Variants in MYO3B observed in about 807,000 individuals in gnomAD.
MYO3B encodes myosin IIIB.
A neutral mutation model predicts 174.6 loss-of-function variants in MYO3B; 156 were observed. The observed-to-expected ratio is 0.89, with a 90% CI of 0.78 to 1.02. The LOEUF (loss-of-function observed/expected upper bound fraction) is 1.02. Among genes scored for constraint, MYO3B ranks in the 50% least tolerant of loss-of-function variants. The pLI is 0.00. For synonymous variants in MYO3B, 563 were observed against 569.1 expected (o/e 0.99, Z 0.15); for missense variants, 1,632 against 1,639.4 (o/e 1.00, Z 0.08).
At chr2:170,255,777 C>T (rs1032114325) in intron 7 of MYO3B, among the ~76,000 whole-genome samples, 1 of 152,196 alleles carries the variant, frequency 6.6e-6, no homozygotes, top group Non-Finnish European at 1.5e-5. Flanking sequence ...ATTGTACTAG[C>T]TCCGCAGCAA....
Position 170,401,796 on chromosome 2 carries a change from C to CTTTT in MYO3B, c.2129+107_2129+110dup, listed in dbSNP as rs1268110549. On this transcript the variant is annotated intron_variant, in intron 18 of 34. Transcript: ENST00000408978. ...TTTGGTCCTCTCTGGGATTTTCTTT[C>CTTTT]TTTTTCTTTTTTTTTTTTTTTGTGG... The CTTTT allele has an allele frequency of 6.3e-6, 5 of 794,366 alleles. No individual in the cohort carries two copies. In the African/African-American group the frequency reaches 7.5e-5, roughly 12 times the overall value. 49.2% of individuals were successfully genotyped at this position (794,366 alleles called of 1,614,324 possible).
intron 9 of MYO3B, among the ~76,000 whole-genome samples, chr2:170,373,729 A>G (rs1321197445): frequency 6.6e-6 from 1 of 151,992 alleles, no homozygotes; most frequent in Admixed American, 6.6e-5. Context: ...TTAGAAAGAG[A>G]GAAACTCTAA....
At position 170,289,424 on chromosome 2, in the gene MYO3B, C is replaced by T. The variant is rs190570760; in HGVS notation, c.750-45961C>T. ...GGTTTTGTGAGGTTTTCTATTTCTT[C>T]ATGGTTCAATTTTGATAGGTTCTAT... is the stretch of plus-strand genomic sequence containing the variant. On this transcript the variant is annotated intron_variant, in intron 7 of 34. Coordinates refer to ENST00000408978, the MANE Select transcript of MYO3B (RefSeq NM_138995.5). Among the ~76,000 whole-genome samples, 1,190 of 152,110 alleles carry T rather than the reference C, an allele frequency of 7.8e-3. 9 individuals are homozygous for T. The highest frequency in any genetic ancestry group is 0.012 in the Non-Finnish European group (782 of 67,920).
intron 32 of MYO3B, among the ~76,000 whole-genome samples, chr2:170,608,371 TAATC>T (rs1694942122): frequency 6.6e-6 from 1 of 152,222 alleles, no homozygotes; most frequent in African/African-American, 2.4e-5. Context: ...AAAGAACTGA[TAATC>T]AATTAATAGA....
chr2:170,400,036 A>C, intron 16 of MYO3B, 152 bp from the exon 17 acceptor site: 2 of 932,498 alleles, frequency 2.1e-6, no homozygotes, highest in Non-Finnish European at 3.3e-6. Context: ...ACGACCTCTA[A>C]CTGCAAAGAA....
chr2:170,460,130 G>GCC (rs1684175705), intron 23 of MYO3B, among the ~76,000 whole-genome samples: 1 of 152,176 alleles, frequency 6.6e-6, no homozygotes, highest in Non-Finnish European at 1.5e-5. Context: ...TGCTGAGACA[G>GCC]AGGAGTCGCC....
intron 6 of MYO3B, among the ~76,000 whole-genome samples, chr2:170,227,973 T>G (rs1352159210): frequency 6.6e-6 from 1 of 152,092 alleles, no homozygotes; most frequent in Non-Finnish European, 1.5e-5. Flanking sequence ...TTGTAGAGGT[T>G]CTCCTTGTCC....
chr2:170,289,061 C>T (rs908412383), intron 7 of MYO3B, among the ~76,000 whole-genome samples: 3 of 152,140 alleles, frequency 2.0e-5, no homozygotes, highest in African/African-American at 7.2e-5. Flanking sequence ...GTGAATCCCA[C>T]TTGATCATAG....
chr2:170,324,105 G>A lies in MYO3B; in HGVS notation c.750-11280G>A, dbSNP rs148439806. On this transcript the variant is annotated intron_variant, in intron 7 of 34. Coordinates refer to ENST00000408978, the MANE Select transcript of MYO3B (RefSeq NM_138995.5). Reference sequence around the variant, plus strand: ...TTGGGCGAAATCCTAGAGGCAGAGCGACAGGAAAGAGTCAGAAAGGTGCCA... The same window carrying A: ...TTGGGCGAAATCCTAGAGGCAGAGCAACAGGAAAGAGTCAGAAAGGTGCCA... Among the ~76,000 whole-genome samples the A allele has an allele frequency of 7.8e-4, 118 of 152,232 alleles. 2 individuals carry two copies. The highest frequency in any genetic ancestry group is 7.7e-4 in the East Asian group (4 of 5,182).
intron 22 of MYO3B, among the ~76,000 whole-genome samples, chr2:170,441,714 A>G (rs939981188): frequency 6.6e-6 from 1 of 152,348 alleles, no homozygotes; most frequent in Non-Finnish European, 1.5e-5. Context: ...TGATGTTGCC[A>G]TGCATTTGTT....
intron 1 of MYO3B, among the ~76,000 whole-genome samples, chr2:170,185,936 T>C (rs532796277): frequency 6.6e-6 from 1 of 152,328 alleles, no homozygotes; most frequent in South Asian, 2.1e-4. Context: ...CTTTTTCCAG[T>C]TGTTTGCTAT....
chr2:170,644,957 G>C (rs1020251543), intron 32 of MYO3B, among the ~76,000 whole-genome samples: 2 of 152,142 alleles, frequency 1.3e-5, no homozygotes, highest in African/African-American at 2.4e-5. Flanking sequence ...CAGGGGGTTG[G>C]GGGGAGGTGC....
At chr2:170,399,499 A>G (rs1039771228) in intron 16 of MYO3B, among the ~76,000 whole-genome samples, 99 of 151,016 alleles carry the variant, frequency 6.6e-4, no homozygotes, top group Admixed American at 8.6e-4. Flanking sequence ...GGTTAATTAT[A>G]TATATTTCTT....
At chr2:170,326,379 G>C (rs1250069301) in intron 7 of MYO3B, among the ~76,000 whole-genome samples, 1 of 152,136 alleles carries the variant, frequency 6.6e-6, no homozygotes, top group African/African-American at 2.4e-5. Context: ...CAGGGTTGTG[G>C]TTTCCACTCT....
At chr2:170,524,569 C>G (rs575350945) in intron 30 of MYO3B, 1 of 425,780 alleles carries the variant, frequency 2.3e-6, no homozygotes, top group Non-Finnish European at 4.7e-6. Flanking sequence ...CTGCAACCTC[C>G]GCCCTCTGGG....
chr2:170,626,320 A>G (rs907725017), intron 32 of MYO3B, among the ~76,000 whole-genome samples: 14 of 151,898 alleles, frequency 9.2e-5, no homozygotes, highest in African/African-American at 7.3e-5. Context: ...GGCCTTCTTT[A>G]TCTCTTTTGA....
chr2:170,423,424 C>T (rs1347419505), intron 22 of MYO3B, among the ~76,000 whole-genome samples: 4 of 152,124 alleles, frequency 2.6e-5, no homozygotes, highest in African/African-American at 7.2e-5. Flanking sequence ...TCTTGTTGAT[C>T]CTCCCAAAGA....
At chr2:170,466,080 C>T (rs921454352) in intron 24 of MYO3B, among the ~76,000 whole-genome samples, 1 of 152,190 alleles carries the variant, frequency 6.6e-6, no homozygotes, top group Admixed American at 6.5e-5. Flanking sequence ...TATTACCAAT[C>T]GTATCTGTAG....
chr2:170,577,560 G>C (rs376323743), intron 32 of MYO3B, among the ~76,000 whole-genome samples: 2 of 152,204 alleles, frequency 1.3e-5, no homozygotes, highest in African/African-American at 4.8e-5. Context: ...CTAGTAATTT[G>C]TGACTCAGCA....
Sources: gnomAD v4.1 joint callset for allele counts (sites outside exome capture counted in the v4.1 genomes callset) on GRCh38, gnomAD v4.1.1 for gene constraint, MANE v1.5 for transcripts, NCBI Gene and HGNC (gene_info 2026-07-23, HGNC 2026-07-21) for gene names.